ZSCAN5B: variants seen among roughly 807,000 people sequenced by gnomAD.
The protein encoded by ZSCAN5B is zinc finger and SCAN domain-containing protein 5B.
ZSCAN5B carries 26 observed loss-of-function variants against 25.2 expected under a neutral mutation model. The observed-to-expected ratio is 1.03, with a 90% CI of 0.76 to 1.43. The LOEUF (loss-of-function observed/expected upper bound fraction) is 1.43, where lower values mean the gene tolerates loss of function less well. ZSCAN5B is among the 40% of genes most tolerant of loss of function. ZSCAN5B has a pLI of 0.00. For missense variants in ZSCAN5B, 745 were observed against 622.1 expected, an observed-to-expected ratio of 1.20 and a Z score of -2.10; for synonymous variants, 244 against 240.9, an observed-to-expected ratio of 1.01 and a Z score of -0.12.
chr19:56,192,535 T>C (rs1277653622), intron 2 of ZSCAN5B, 134 bp downstream of exon 2: 2 of 1,444,188 alleles, frequency 1.4e-6, no homozygotes, highest in Non-Finnish European at 1.9e-6. Flanking sequence ...TGTGGGTTCC[T>C]GTATCCCCTC....
chr19:56,196,636 T>G (rs1478473124), intron 1 of ZSCAN5B, among the ~76,000 whole-genome samples: 1 of 152,166 alleles, frequency 6.6e-6, no homozygotes, highest in Non-Finnish European at 1.5e-5. Context: ...TTAGGCCTGG[T>G]GCGATGGCTC....
rs200898843 is a variant in ZSCAN5B, at chr19:56,190,310, T to C, written c.1005A>G (p.Pro335=). 95 of 1,614,172 alleles carry C rather than the reference T, an allele frequency of 5.9e-5. 2 individuals are homozygous for C. In the African/African-American group the frequency reaches 1.2e-3, roughly 20 times the overall value. ...GGTGACTGACCGGGCCCGCAGGGCC[T>C]GGGGAATGAACTGGATTGATCTCAG... Residue 335 remains proline (P), a synonymous_variant, in exon 5 of 5, where the codon CCA becomes CCG. Transcript: ENST00000586855.
At position 56,190,090 on chromosome 19, in the gene ZSCAN5B, T is replaced by A. The variant is rs1023518162; in HGVS notation, c.1225A>T (p.Arg409Trp). 6 of 1,613,910 alleles carry A rather than the reference T, an allele frequency of 3.7e-6. No homozygotes were observed. The African/African-American group carries it at 6.7e-5, about 18-fold the overall frequency. Residue 409 changes from arginine to tryptophan, a missense_variant, in exon 5 of 5, where the codon AGG (arginine) becomes TGG (tryptophan). Physicochemically the swap from Arg to Trp is moderately radical, Grantham distance 101. Coordinates refer to ENST00000586855, the Ensembl canonical transcript of ZSCAN5B. ...TGGCAGACGTCACACATGTAGGGCC[T>A]CTCGCCAGTGTGGACTCGCTGGTGA...
rs578035197 is a variant in ZSCAN5B at position 56,192,059 on chromosome 19, G to A, written c.385-6C>T. 28 of 1,607,212 alleles carry A rather than the reference G, an allele frequency of 1.7e-5. No individual in the cohort carries two copies. The highest frequency in any genetic ancestry group is 2.3e-5 in the Non-Finnish European group (27 of 1,176,990). On this transcript the variant is annotated splice_polypyrimidine_tract_variant and splice_region_variant and intron_variant, in intron 2 of 4. Transcript: ENST00000586855. ...CCGAGCAAGTTGACTATAGACTGTA[G>A]AGAGAAAAAAGACAATCAGACACTA... is the stretch of plus-strand genomic sequence containing the variant.
At chr19:56,195,047 A>G (rs911195692) in intron 1 of ZSCAN5B, among the ~76,000 whole-genome samples, 1 of 152,182 alleles carries the variant, frequency 6.6e-6, no homozygotes, top group Non-Finnish European at 1.5e-5. Context: ...AGGTGGGGGA[A>G]GCAACCTGAA....
In ZSCAN5B at chr19:56,190,209, T is replaced by A. The variant is rs61738499; in HGVS notation, c.1106A>T (p.Gln369Leu). 8.0e-5 allele frequency: 129 copies of A among 1,614,106 alleles called. No individual in the cohort carries two copies. The African/African-American group carries it at 1.4e-3, about 18-fold the overall frequency. ...GTGTGACCTCCTGTGGATGCTTAGC[T>A]GGGAAAAATACTTAAATGATTTATT... Residue 369 changes from glutamine (Q) to leucine (L), a missense_variant, in exon 5 of 5, where the codon CAG becomes CTG. Gln to Leu is a moderately radical substitution (Grantham distance 113). Transcript: ENST00000586855.
exon 5 of ZSCAN5B, chr19:56,190,104 A>C (rs1599935355): frequency 6.2e-7 from 1 of 1,613,660 alleles, no homozygotes; most frequent in Non-Finnish European, 8.5e-7. Context: ...GCCAGTGTGG[A>C]CTCGCTGGTG....
chr19:56,197,567 AGCACTTCATC>A (rs2032826028), intron 1 of ZSCAN5B, among the ~76,000 whole-genome samples, 157 bp downstream of exon 1: 1 of 152,150 alleles, frequency 6.6e-6, no homozygotes, highest in Admixed American at 6.5e-5. Flanking sequence ...AGTTTACAGA[AGCACTTCATC>A]GCCAGTCAGA....
exon 1 of ZSCAN5B, chr19:56,197,827 A>C: frequency 1.0e-6 from 1 of 985,026 alleles, no homozygotes; most frequent in Non-Finnish European, 1.2e-6. Context: ...GAGAAGCGGG[A>C]CTCCAGGCCG....
chr19:56,192,654 G>C lies in ZSCAN5B; in HGVS notation c.384+15C>G, dbSNP rs116287843. The stretch of plus-strand genomic sequence containing the variant: ...AGCTCCCCTTCCCTGCACCAATCAC[G>C]AGGTTCCCACTCACCCATTTCTTGG... On this transcript the variant is annotated intron_variant, in intron 2 of 4. Coordinates refer to ENST00000586855, the Ensembl canonical transcript of ZSCAN5B. The C allele has an allele frequency of 1.1e-3, 1,683 of 1,592,684 alleles. 16 individuals carry two copies. The African/African-American group carries it at 0.02, about 19-fold the overall frequency.
At chr19:56,195,552 G>A (rs2032799429) in intron 1 of ZSCAN5B, among the ~76,000 whole-genome samples, 1 of 151,728 alleles carries the variant, frequency 6.6e-6, no homozygotes, top group Non-Finnish European at 1.5e-5. Context: ...TAGAGCAGCC[G>A]ATATGGGAGA....
At position 56,196,852 on chromosome 19, in the gene ZSCAN5B, G is replaced by T. The variant is rs527372665; in HGVS notation, c.-128+882C>A. On this transcript the variant is annotated intron_variant, in intron 1 of 4. Coordinates refer to ENST00000586855, the Ensembl canonical transcript of ZSCAN5B. ...GCCTGAAATTCTGGGAATTAAAGAG[G>T]TTTTCCCGCCAGGTTCCCTAAGCGC... Among the ~76,000 whole-genome samples, 10 of 152,312 alleles carry T rather than the reference G, an allele frequency of 6.6e-5. No homozygotes were observed. In the East Asian group the frequency reaches 1.7e-3, roughly 26 times the overall value.
At chr19:56,192,355 C>G (rs2032748422) in intron 2 of ZSCAN5B, among the ~76,000 whole-genome samples, 1 of 152,190 alleles carries the variant, frequency 6.6e-6, no homozygotes, top group African/African-American at 2.4e-5. Context: ...AACTTAGGGG[C>G]TCATTTGGGG....
In ZSCAN5B at chr19:56,191,917, G is replaced by A. The variant is rs750881936; in HGVS notation, c.521C>T (p.Pro174Leu). Reference sequence around the variant, plus strand: ...CTCTCGGCGGGCCTGGCCTGTCCCCGGATGCATCTGGTTCACAGAGGAGGC... The same window carrying A: ...CTCTCGGCGGGCCTGGCCTGTCCCCAGATGCATCTGGTTCACAGAGGAGGC... Residue 174 changes from proline (P) to leucine (L), a missense_variant, in exon 3 of 5, where the codon CCG becomes CTG. By Grantham distance (98) the Pro-to-Leu change is moderately conservative. Transcript: ENST00000586855. The A allele has an allele frequency of 1.3e-5, 21 of 1,613,836 alleles. 1 individual carries two copies. The highest frequency in any genetic ancestry group is 6.7e-5 in the African/African-American group (5 of 74,878).
chr19:56,193,685 G>A (rs116782353), intron 1 of ZSCAN5B, among the ~76,000 whole-genome samples: 1,648 of 152,242 alleles, frequency 0.011, 24 homozygotes, highest in African/African-American at 0.036. Flanking sequence ...ATGAGAGGCC[G>A]GGCGCGGTGG....
chr19:56,193,273 G>T, intron 1 of ZSCAN5B, 94 bp from the exon 2 acceptor site: 1 of 529,872 alleles, frequency 1.9e-6, no homozygotes, highest in Non-Finnish European at 3.3e-6. Flanking sequence ...GACCCCACTT[G>T]TCCATGGGCA....
At chr19:56,194,840 C>G (rs1354582685) in intron 1 of ZSCAN5B, among the ~76,000 whole-genome samples, 1 of 152,138 alleles carries the variant, frequency 6.6e-6, no homozygotes, top group Non-Finnish European at 1.5e-5. Context: ...CTCCTGACCT[C>G]GGGTGACATG....
At chr19:56,193,734 G>A (rs1301859407) in intron 1 of ZSCAN5B, among the ~76,000 whole-genome samples, 2 of 152,080 alleles carry the variant, frequency 1.3e-5, no homozygotes, top group Non-Finnish European at 2.9e-5. Flanking sequence ...AGGCCGAGGC[G>A]GGTGGATCAC....
exon 2 of ZSCAN5B, chr19:56,193,029 T>A (rs770091536): frequency 3.4e-5 from 54 of 1,576,644 alleles, no homozygotes; most frequent in Admixed American, 9.1e-5. Context: ...CCTGACCCCA[T>A]GAGAGTGTCC....
Sources: gnomAD v4.1 joint callset for allele counts (sites outside exome capture counted in the v4.1 genomes callset) on GRCh38, gnomAD v4.1.1 for gene constraint, MANE v1.5 for transcripts, NCBI Gene and HGNC (gene_info 2026-07-23, HGNC 2026-07-21) for gene names.